The following DSCAML1 variants were observed in gnomAD, a reference collection of about 807,000 sequenced individuals.
The protein encoded by DSCAML1 is DS cell adhesion molecule like 1, also known as cell adhesion molecule DSCAML1.
DSCAML1 carries 38 observed loss-of-function variants against 200.5 expected under a neutral mutation model. The ratio of observed to expected loss-of-function variants is 0.19; its 90% CI spans 0.15 to 0.25. The LOEUF (loss-of-function observed/expected upper bound fraction) is 0.25. Among genes scored for constraint, DSCAML1 ranks in the 10% least tolerant of loss-of-function variants. DSCAML1 has a pLI of 1.00. For missense variants in DSCAML1, 2,223 were observed against 2,858.8 expected (o/e 0.78, Z 5.07); for synonymous variants, 1,215 against 1,165.0 (o/e 1.04, Z -0.87).
At chr11:117,744,456 C>T (rs869006) in intron 3 of DSCAML1, among the ~76,000 whole-genome samples, 25 of 152,232 alleles carry the variant, frequency 1.6e-4, no homozygotes, top group African/African-American at 5.1e-4. Flanking sequence ...CTCATGGATA[C>T]GCATCAGTCT....
intron 3 of DSCAML1, among the ~76,000 whole-genome samples, chr11:117,682,195 C>T (rs550390244): frequency 1.3e-5 from 2 of 152,314 alleles, no homozygotes; most frequent in South Asian, 4.1e-4. Flanking sequence ...GGCAGCAGCG[C>T]TCTGTTCAGC....
chr11:117,655,397 C>A (rs1565854436), intron 3 of DSCAML1, among the ~76,000 whole-genome samples: 1 of 152,236 alleles, frequency 6.6e-6, no homozygotes, highest in Non-Finnish European at 1.5e-5. Context: ...CAGGTACTTA[C>A]AACAGCCTTA....
At position 117,431,629 on chromosome 11, in the gene DSCAML1, C is replaced by A. The variant is rs758832848; in HGVS notation, c.5279G>T (p.Arg1760Leu). 7.4e-6 allele frequency: 12 copies of A among 1,612,832 alleles called. No homozygotes were observed. The highest frequency in any genetic ancestry group is 1.0e-5 in the Non-Finnish European group (12 of 1,179,318). The change falls in exon 31 of 33, where the codon CGC (arginine) becomes CTC (leucine). Residue 1760 changes from arginine to leucine, a missense_variant. Coordinates refer to ENST00000651296, the MANE Select transcript of DSCAML1 (RefSeq NM_020693.4). ...LTKCQASTPA[R>L]TLTSDWRTVG... ...GGTGCGCCAGTCGGAGGTGAGGGTG[C>A]GGGCAGGTGTGGAGGCCTGGCACTT...
Position 117,783,848 on chromosome 11 carries a change from C to T in DSCAML1, c.47-3038G>A, listed in dbSNP as rs571248724. On this transcript the variant is annotated intron_variant, in intron 1 of 32. Transcript: ENST00000651296. Reference sequence around the variant, plus strand: ...CTCCACCCCAACCGCATTCCAAACACACATTCCCACTCTCCTTCTCTCCTG... The same window carrying T: ...CTCCACCCCAACCGCATTCCAAACATACATTCCCACTCTCCTTCTCTCCTG... Among the ~76,000 whole-genome samples, 5 of 152,318 alleles carry T rather than the reference C, an allele frequency of 3.3e-5. No homozygotes were observed. In the Middle Eastern group the frequency reaches 0.01, roughly 311 times the overall value.
chr11:117,692,825 G>A (rs576315482), intron 3 of DSCAML1, among the ~76,000 whole-genome samples: 2 of 152,304 alleles, frequency 1.3e-5, no homozygotes, highest in South Asian at 4.1e-4. Flanking sequence ...GCATGGAATG[G>A]AACTGAAACC....
rs1565757860 is a variant in DSCAML1 at position 117,516,856 on chromosome 11, CG to C, written c.1511-118del. 1 of 1,289,276 alleles carries C rather than the reference CG, an allele frequency of 7.8e-7. No individual in the cohort carries two copies. 79.9% of individuals were successfully genotyped at this position (1,289,276 alleles called of 1,614,324 possible). A position where few individuals can be genotyped will look rare whatever the true frequency, so the allele number is the denominator to read the frequency against. On this transcript the variant is annotated intron_variant, in intron 7 of 32. Transcript: ENST00000651296. This position sits in a 1 kb window ranked among gnomAD's most constrained non-coding sequence, Gnocchi z 5.7. ...TCAGGCACTCGGCCCCTGAGACTTT[CG>C]GGGGCGGACATTTGGTGGGGGCACA...
At chr11:117,621,561 G>C (rs995685231) in intron 3 of DSCAML1, among the ~76,000 whole-genome samples, 3 of 152,148 alleles carry the variant, frequency 2.0e-5, no homozygotes, top group Admixed American at 6.5e-5. Context: ...GGAAAAGCAG[G>C]TCCATTTTCT....
chr11:117,808,884 G>A lies in DSCAML1; in HGVS notation c.-250+8506C>T, dbSNP rs371183585. On this transcript the variant is annotated intron_variant, in intron 1 of 2. Coordinates refer to the DSCAML1 transcript ENST00000525836. Reference sequence around the variant, plus strand: ...ATATCTCATTTACACACATGATCTCGTTCAATCTCTTTAATGAGTTGGATA... The same window carrying A: ...ATATCTCATTTACACACATGATCTCATTCAATCTCTTTAATGAGTTGGATA... 3.9e-5 allele frequency among the ~76,000 whole-genome samples: 6 copies of A among 152,162 alleles called. No homozygotes were observed. The East Asian group carries it at 7.7e-4, about 20-fold the overall frequency.
chr11:117,703,453 C>T (rs551247814), intron 3 of DSCAML1, among the ~76,000 whole-genome samples: 16 of 152,302 alleles, frequency 1.1e-4, no homozygotes, highest in African/African-American at 3.6e-4. Flanking sequence ...TGTTTACTCA[C>T]CACATGTGGC....
rs751380422 is a variant in DSCAML1, at chr11:117,797,174, C to G, written c.-95G>C. 6.4e-6 allele frequency: 10 copies of G among 1,574,804 alleles called. No homozygotes were observed. Among genetic ancestry groups the G allele is most frequent in the East Asian group, 2.4e-5 (1 of 41,418 alleles). On this transcript the variant is annotated 5_prime_UTR_variant, in exon 1 of 33. Coordinates refer to ENST00000651296, the MANE Select transcript of DSCAML1 (RefSeq NM_020693.4). ...CTCAGCGCGCTCCCAGCCGCCCGCA[C>G]TCGGCGCCCCGCTCTCTCTGCTCCT... is the stretch of plus-strand genomic sequence containing the variant.
intron 4 of DSCAML1, among the ~76,000 whole-genome samples, chr11:117,531,609 C>T (rs867822054): frequency 2.0e-5 from 3 of 152,074 alleles, no homozygotes; most frequent in South Asian, 2.1e-4. Context: ...TCAGGCCGGG[C>T]GCAGTGGCAC....
At chr11:117,650,107 C>T (rs769616330) in intron 3 of DSCAML1, among the ~76,000 whole-genome samples, 12 of 152,192 alleles carry the variant, frequency 7.9e-5, no homozygotes, top group Non-Finnish European at 1.6e-4. Flanking sequence ...TCCCCAGATA[C>T]GGCTCCTCAC....
intron 4 of DSCAML1, among the ~76,000 whole-genome samples, chr11:117,532,133 AAAAAAAAAGG>A (rs2050092170): frequency 6.7e-6 from 1 of 148,308 alleles, no homozygotes; most frequent in Non-Finnish European, 1.5e-5. Context: ...AGGAAAGACA[AAAAAAAAAGG>A]AAAAAAAAGG....
intron 3 of DSCAML1, among the ~76,000 whole-genome samples, chr11:117,605,287 G>A (rs1184590903): frequency 6.6e-6 from 1 of 152,036 alleles, no homozygotes. Context: ...ATTTCCCAGA[G>A]TCACCGATGA....
intron 3 of DSCAML1, among the ~76,000 whole-genome samples, chr11:117,560,819 C>T (rs1751935252): frequency 6.6e-6 from 1 of 152,220 alleles, no homozygotes; most frequent in Non-Finnish European, 1.5e-5. Flanking sequence ...TGCCCATTCC[C>T]TCCAACAGCT....
chr11:117,640,161 A>C (rs1337581303), intron 3 of DSCAML1, among the ~76,000 whole-genome samples: 3 of 152,162 alleles, frequency 2.0e-5, no homozygotes, highest in Non-Finnish European at 4.4e-5. Context: ...CTGTGGAAGC[A>C]GCACTCTCCT....
intron 3 of DSCAML1, among the ~76,000 whole-genome samples, chr11:117,614,467 C>T (rs2051767980): frequency 6.6e-6 from 1 of 152,164 alleles, no homozygotes; most frequent in Non-Finnish European, 1.5e-5. Context: ...TAACGTAAAG[C>T]CACATTATCT....
At chr11:117,501,117 A>G in intron 11 of DSCAML1, among the ~76,000 whole-genome samples, 1 of 152,056 alleles carries the variant, frequency 6.6e-6, no homozygotes. Context: ...GGTTCTACCT[A>G]CCTGTGCCCT....
intron 3 of DSCAML1, among the ~76,000 whole-genome samples, chr11:117,656,242 G>C (rs1213380581): frequency 2.0e-5 from 3 of 152,196 alleles, no homozygotes; most frequent in Admixed American, 6.5e-5. Context: ...CGTCTTGGGT[G>C]GGGGCAGCGG....
Sources: allele counts gnomAD v4.1 joint callset (sites outside exome capture counted in the v4.1 genomes callset), GRCh38; gene constraint gnomAD v4.1.1; non-coding constraint Gnocchi (gnomAD v3.1); transcripts MANE v1.5; gene names NCBI Gene and HGNC (gene_info 2026-07-23, HGNC 2026-07-21).